The following CNIH1 variants were observed in gnomAD, a reference collection of about 807,000 sequenced individuals.
CNIH1 encodes the protein protein cornichon homolog 1.
Under a neutral mutation model 20.2 loss-of-function variants are expected in CNIH1, and 12 were observed. The observed-to-expected ratio is 0.59, with a 90% confidence interval of 0.38 to 0.96. CNIH1 has a LOEUF of 0.96. CNIH1 is among the 40% of genes least tolerant of loss of function. The pLI is 0.00. For missense variants in CNIH1, 152 were observed against 178.8 expected (o/e 0.85, Z 0.85); for synonymous variants, 69 against 63.3 (o/e 1.09, Z -0.43).
intron 1 of CNIH1, among the ~76,000 whole-genome samples, chr14:54,440,539 T>C (rs1349263069): frequency 6.6e-6 from 1 of 152,084 alleles, no homozygotes; most frequent in Non-Finnish European, 1.5e-5. Context: ...CATCTCAAAA[T>C]CAAATGAAAA....
chr14:54,439,446 A>C (rs1403506953), intron 1 of CNIH1, among the ~76,000 whole-genome samples: 2 of 152,022 alleles, frequency 1.3e-5, no homozygotes, highest in East Asian at 3.9e-4. Context: ...AGCCTACCCC[A>C]CCACTCTAAG....
At chr14:54,432,805 G>A (rs878870036) in intron 2 of CNIH1, among the ~76,000 whole-genome samples, 2 of 152,118 alleles carry the variant, frequency 1.3e-5, no homozygotes, top group African/African-American at 4.8e-5. Flanking sequence ...ACTAATATGC[G>A]CAAATGTAAA....
Position 54,424,588 on chromosome 14 carries a change from G to C in CNIH1, c.*3226C>G, listed in dbSNP as rs373371134. On this transcript the variant is annotated 3_prime_UTR_variant, in exon 5 of 5. Coordinates refer to ENST00000216416, the MANE Select transcript of CNIH1 (RefSeq NM_005776.3). ...TATTCATAAACATAGAAGGAGAAGA[G>C]AGGTGTTGTACAAAGGATTTTGCTG... 1.3e-5 allele frequency: 2 copies of C among 152,212 alleles called. No individual in the cohort carries two copies. Among genetic ancestry groups the C allele is most frequent in the African/African-American group, 2.4e-5 (1 of 41,460 alleles). 9.4% of individuals were successfully genotyped at this position (152,212 alleles called of 1,614,324 possible).
intron 1 of CNIH1, chr14:54,436,758 C>T (rs1391130695): frequency 4.3e-6 from 2 of 470,338 alleles, no homozygotes; most frequent in Non-Finnish European, 8.2e-6. Context: ...AAAATAATTT[C>T]AACTGTTTAT....
intron 1 of CNIH1, among the ~76,000 whole-genome samples, chr14:54,440,683 C>CATCA (rs1340853937): frequency 6.6e-6 from 1 of 152,124 alleles, no homozygotes; most frequent in African/African-American, 2.4e-5. Context: ...ATTGAACTTG[C>CATCA]ATCAAAGTTC....
intron 3 of CNIH1, among the ~76,000 whole-genome samples, chr14:54,431,337 A>G (rs777505918): frequency 4.0e-5 from 6 of 151,892 alleles, no homozygotes; most frequent in Non-Finnish European, 7.4e-5. Context: ...CATCTTGGCC[A>G]GGCTGGTCTT....
Position 54,427,583 on chromosome 14 carries a change from T to C in CNIH1, c.*231A>G. 1 of 521,124 alleles carries C rather than the reference T, an allele frequency of 1.9e-6. No individual in the cohort carries two copies. The highest frequency in any genetic ancestry group is 3.4e-6 in the Non-Finnish European group (1 of 295,594). The allele number at this position is 521,124 out of a possible 1,614,324, so 32.3% of individuals were successfully genotyped here. On this transcript the variant is annotated 3_prime_UTR_variant, in exon 5 of 5. Transcript: ENST00000216416. ...CCTGTCAACACCAGAGGTAATCATT[T>C]TATATTAATTTATACGTAATACCAT...
In CNIH1 at chr14:54,430,297, G is replaced by C; in HGVS notation, c.371C>G (p.Ala124Gly). Residue 124 changes from alanine (A) to glycine (G), a missense_variant, in exon 4 of 5, where the codon GCT (alanine) becomes GGT (glycine). Coordinates refer to ENST00000216416, the MANE Select transcript of CNIH1 (RefSeq NM_005776.3). Reference protein sequence around the residue: ...YCQKEGWCKLAFYLLAFFYYL... With the variant: ...YCQKEGWCKLGFYLLAFFYYL... ...GTAAAAAAATGCTAGAAGATAAAAA[G>C]CTAATTTGCACCATCCTTCCTTCTG... 6.2e-7 allele frequency: 1 copy of C among 1,614,030 alleles called. No homozygotes were observed. The highest frequency in any genetic ancestry group is 8.5e-7 in the Non-Finnish European group (1 of 1,179,946).
At chr14:54,429,810 C>G (rs1274165879) in intron 4 of CNIH1, among the ~76,000 whole-genome samples, 1 of 152,100 alleles carries the variant, frequency 6.6e-6, no homozygotes, top group Non-Finnish European at 1.5e-5. Flanking sequence ...AGAACTACTT[C>G]TTTCATTCAT....
chr14:54,429,268 G>A (rs1380962350), intron 4 of CNIH1, among the ~76,000 whole-genome samples: 2 of 152,232 alleles, frequency 1.3e-5, no homozygotes, highest in Non-Finnish European at 2.9e-5. Context: ...GCAATGTCCA[G>A]AGACATTTTT....
rs2030840018 is a variant in CNIH1 at position 54,427,034 on chromosome 14, TAAG to T, written c.*777_*779del. 6.6e-6 allele frequency: 1 copy of T among 152,226 alleles called. No individual in the cohort carries two copies. Among genetic ancestry groups the T allele is most frequent in the African/African-American group, 2.4e-5 (1 of 41,474 alleles). The allele number at this position is 152,226 out of a possible 1,614,324, so 9.4% of individuals were successfully genotyped here. ...AAAATCTGTAGTACCTGCAAATTCTTAAGAATACCTTTACCACCAGATTAGAAC... is the reference window on the plus strand; with the variant it reads ...AAAATCTGTAGTACCTGCAAATTCTTAATACCTTTACCACCAGATTAGAAC... On this transcript the variant is annotated 3_prime_UTR_variant, in exon 5 of 5. Coordinates refer to ENST00000216416, the MANE Select transcript of CNIH1 (RefSeq NM_005776.3).
chr14:54,439,842 G>T (rs763370776), intron 1 of CNIH1, among the ~76,000 whole-genome samples: 1 of 152,054 alleles, frequency 6.6e-6, no homozygotes, highest in Non-Finnish European at 1.5e-5. Flanking sequence ...GAGCCACCGC[G>T]CCCGGCCATG....
rs1594615092 is a variant in CNIH1, at chr14:54,427,776, G to C, written c.*38C>G. ...GAATCCCTTCATTTGGTGGCTTTTT[G>C]CATGCACTTAACTGGACCAATTCTT... is the stretch of plus-strand genomic sequence containing the variant. On this transcript the variant is annotated 3_prime_UTR_variant, in exon 5 of 5. Transcript: ENST00000216416. The C allele has an allele frequency of 1.9e-6, 3 of 1,610,168 alleles. No homozygotes were observed. Among genetic ancestry groups the C allele is most frequent in the East Asian group, 2.2e-5 (1 of 44,836 alleles).
At chr14:54,437,643 T>C (rs1470440929) in intron 1 of CNIH1, among the ~76,000 whole-genome samples, 1 of 150,620 alleles carries the variant, frequency 6.6e-6, no homozygotes, top group African/African-American at 2.5e-5. Context: ...AAATATTAAC[T>C]GGAAGGAGGG....
rs778438641 is a variant in CNIH1, at chr14:54,441,355, G to A, written c.-28C>T. On this transcript the variant is annotated 5_prime_UTR_variant, in exon 1 of 5. Coordinates refer to ENST00000216416, the MANE Select transcript of CNIH1 (RefSeq NM_005776.3). Reference sequence around the variant, plus strand: ...CTGGGGAGGAGGAGCGGGGAGCGGCGCCGTTGCCAGCGGAGAAAGGCGGCG... The same window carrying A: ...CTGGGGAGGAGGAGCGGGGAGCGGCACCGTTGCCAGCGGAGAAAGGCGGCG... The A allele has an allele frequency of 9.9e-5, 147 of 1,479,912 alleles. No homozygotes were observed. The East Asian group carries it at 4.0e-3, about 41-fold the overall frequency. 91.7% of individuals were successfully genotyped at this position (1,479,912 alleles called of 1,614,324 possible).
At chr14:54,438,343 C>T (rs181867902) in intron 1 of CNIH1, among the ~76,000 whole-genome samples, 1 of 152,222 alleles carries the variant, frequency 6.6e-6, no homozygotes, top group Admixed American at 6.5e-5. Flanking sequence ...CTAGGGTTTT[C>T]GAACCTCTTC....
rs139916263 is a variant in CNIH1 at position 54,429,485 on chromosome 14, G to A, written c.407+776C>T. ...TAAAAGGAAAAAAATCAGGCTGGGC[G>A]CGATGGCTCACGCCTGTAATCCCAG... On this transcript the variant is annotated intron_variant, in intron 4 of 4. Coordinates refer to ENST00000216416, the MANE Select transcript of CNIH1 (RefSeq NM_005776.3). Among the ~76,000 whole-genome samples, 814 of 152,294 alleles carry A rather than the reference G, an allele frequency of 5.3e-3. 4 individuals carry two copies. The highest frequency in any genetic ancestry group is 9.5e-3 in the Non-Finnish European group (649 of 68,026).
rs1471818614 is a variant in CNIH1 at position 54,441,133 on chromosome 14, C to A, written c.81+114G>T. 3.6e-6 allele frequency: 4 copies of A among 1,118,116 alleles called. No individual in the cohort carries two copies. The East Asian group carries it at 1.1e-4, about 32-fold the overall frequency. 69.3% of individuals were successfully genotyped at this position (1,118,116 alleles called of 1,614,324 possible). A position where few individuals can be genotyped will look rare whatever the true frequency, so the allele number is the denominator to read the frequency against. ...CGCCGCGCGGCCCGTGCCAGCCGGG[C>A]CGCATCCCCGACGCGCAAAGCCCCG... On this transcript the variant is annotated intron_variant, in intron 1 of 4. Transcript: ENST00000216416.
intron 2 of CNIH1, among the ~76,000 whole-genome samples, chr14:54,432,766 A>G (rs114339794): frequency 0.013 from 1,907 of 152,336 alleles, 47 homozygotes; most frequent in African/African-American, 0.043. Context: ...CCAATCAGCC[A>G]ATAATCTCAG....
Sources: allele counts gnomAD v4.1 joint callset (sites outside exome capture counted in the v4.1 genomes callset), GRCh38; gene constraint gnomAD v4.1.1; transcripts MANE v1.5; gene names NCBI Gene and HGNC (gene_info 2026-07-23, HGNC 2026-07-21).